The following NUP107 variants were observed in gnomAD, a reference collection of about 807,000 sequenced individuals.
NUP107 encodes the protein nucleoporin 107.
Under a neutral mutation model 141.0 loss-of-function variants are expected in NUP107, and 101 were observed. The observed-to-expected ratio is 0.72, with a 90% CI of 0.61 to 0.84. The LOEUF is 0.84. Ranked by LOEUF, NUP107 falls within the 40% of genes least tolerant of loss-of-function variation. The pLI is 0.00. For missense variants in NUP107, 941 were observed against 1,102.7 expected (o/e 0.85, Z 2.08); for synonymous variants, 319 against 363.9 (o/e 0.88, Z 1.41).
In NUP107 at chr12:68,728,285, C is replaced by CA. The variant is rs553304592; in HGVS notation, c.1734+914dup. Reference sequence around the variant, plus strand: ...GCTGGGTGACAGAGTGAGACCATCTCAAAAAAAAAAAAAAAAAACAATCAG... The same window carrying CA: ...GCTGGGTGACAGAGTGAGACCATCTCAAAAAAAAAAAAAAAAAAACAATCAG... On this transcript the variant is annotated intron_variant, in intron 20 of 27. Coordinates refer to ENST00000229179, the MANE Select transcript of NUP107 (RefSeq NM_020401.4). 2.6e-3 allele frequency among the ~76,000 whole-genome samples: 215 copies of CA among 84,210 alleles called. 1 individual carries two copies. Among genetic ancestry groups the CA allele is most frequent in the East Asian group, 0.01 (29 of 2,870 alleles). 55.2% of individuals were successfully genotyped at this position (84,210 alleles called of 152,430 possible). A position where few individuals can be genotyped will look rare whatever the true frequency, so the allele number is the denominator to read the frequency against.
chr12:68,704,304 G>A (rs1248826562), intron 8 of NUP107, among the ~76,000 whole-genome samples: 2 of 152,084 alleles, frequency 1.3e-5, no homozygotes, highest in African/African-American at 4.8e-5. Context: ...TTTAAATGCA[G>A]CAAGTAACAT....
Position 68,719,655 on chromosome 12 carries a change from G to T in NUP107, c.1251+1G>T, listed in dbSNP as rs1877270923. Reference sequence around the variant, plus strand: ...AAGTTGCTGGAGAATGGCAGAAGATGTAAGATAAATAAAATATTCAGTGAT... The same window carrying T: ...AAGTTGCTGGAGAATGGCAGAAGATTTAAGATAAATAAAATATTCAGTGAT... On this transcript the variant is annotated splice_donor_variant, in intron 14 of 27. Transcript: ENST00000229179. LOFTEE classifies it high-confidence loss of function. The T allele has an allele frequency of 6.3e-7, 1 of 1,594,974 alleles. No homozygotes were observed. Among genetic ancestry groups the T allele is most frequent in the African/African-American group, 1.3e-5 (1 of 74,534 alleles).
In NUP107 at chr12:68,722,091, G is replaced by A. The variant is rs535180618; in HGVS notation, c.1458-13G>A. 2 of 1,612,224 alleles carry A rather than the reference G, an allele frequency of 1.2e-6. No individual in the cohort carries two copies. Among genetic ancestry groups the A allele is most frequent in the Non-Finnish European group, 1.7e-6 (2 of 1,179,534 alleles). On this transcript the variant is annotated splice_polypyrimidine_tract_variant and intron_variant, in intron 16 of 27. Transcript: ENST00000229179. Reference sequence around the variant, plus strand: ...TTATTAACATTATTCTTTTCCCGTTGTTTCTTTTGAAGCTGGACGTTAGAA... The same window carrying A: ...TTATTAACATTATTCTTTTCCCGTTATTTCTTTTGAAGCTGGACGTTAGAA...
At chr12:68,706,553 C>A in intron 8 of NUP107, 1 of 678,536 alleles carries the variant, frequency 1.5e-6, no homozygotes, top group Admixed American at 2.2e-5. Context: ...CTGAGATCTC[C>A]AAGATGAACA....
Position 68,743,024 on chromosome 12 carries a change from A to G in NUP107, c.*562A>G, listed in dbSNP as rs1405724812. 6.6e-6 allele frequency: 1 copy of G among 152,308 alleles called. No homozygotes were observed. Among genetic ancestry groups the G allele is most frequent in the East Asian group, 1.9e-4 (1 of 5,208 alleles). 9.4% of individuals were successfully genotyped at this position (152,308 alleles called of 1,614,324 possible). On this transcript the variant is annotated 3_prime_UTR_variant, in exon 28 of 28. Transcript: ENST00000229179. ...GCGTAGTACCTGGCACACAGTAAGC[A>G]CTGAATATATTGGAGATTACAGATC...
chr12:68,719,926 A>G (rs1212242465), intron 14 of NUP107, among the ~76,000 whole-genome samples: 2 of 152,246 alleles, frequency 1.3e-5, no homozygotes, highest in Middle Eastern at 3.2e-3. Flanking sequence ...CCCTGAGGAA[A>G]GAATTGAATT....
intron 8 of NUP107, chr12:68,706,093 T>C (rs1248440593): frequency 7.8e-6 from 6 of 773,826 alleles, no homozygotes; most frequent in Non-Finnish European, 1.4e-5. Flanking sequence ...AGCTGTACAC[T>C]CTGGGCCAAG....
chr12:68,693,708 T>C (rs1868552410), intron 5 of NUP107, among the ~76,000 whole-genome samples: 1 of 152,202 alleles, frequency 6.6e-6, no homozygotes, highest in South Asian at 2.1e-4. Context: ...CACTAGAAGG[T>C]TGAGAACCTC....
At chr12:68,699,203 TGTACTA>T (rs1044959730) in intron 6 of NUP107, among the ~76,000 whole-genome samples, 2 of 152,120 alleles carry the variant, frequency 1.3e-5, no homozygotes, top group Non-Finnish European at 2.9e-5. Context: ...AAACCTCATC[TGTACTA>T]AAAATGCAAA....
rs978538367 is a variant in NUP107, at chr12:68,743,968, A to G, written c.*1506A>G. 2.0e-5 allele frequency: 3 copies of G among 152,258 alleles called. No homozygotes were observed. The highest frequency in any genetic ancestry group is 4.4e-5 in the Non-Finnish European group (3 of 68,052). The allele number at this position is 152,258 out of a possible 1,614,324, so 9.4% of individuals were successfully genotyped here. A position where few individuals can be genotyped will look rare whatever the true frequency, so the allele number is the denominator to read the frequency against. ...AAATAAAAACAAAAAATTCATACCAAAACAAATACAGACTAGATTTGGGGT... is the reference window on the plus strand; with the variant it reads ...AAATAAAAACAAAAAATTCATACCAGAACAAATACAGACTAGATTTGGGGT... On this transcript the variant is annotated 3_prime_UTR_variant, in exon 28 of 28. Transcript: ENST00000229179.
intron 14 of NUP107, among the ~76,000 whole-genome samples, chr12:68,720,142 A>G (rs1333581384): frequency 6.6e-6 from 1 of 152,072 alleles, no homozygotes; most frequent in Non-Finnish European, 1.5e-5. Context: ...TTGTGCAAAA[A>G]CCCCACAGGA....
chr12:68,744,149 G>A lies in NUP107; in HGVS notation c.*1687G>A, dbSNP rs1019708927. ...AACTACTTAGCCTAAATGAGGAGGA[G>A]GAATATTGTATGCTTCCATCGTAAC... On this transcript the variant is annotated 3_prime_UTR_variant, in exon 28 of 28. Coordinates refer to ENST00000229179, the MANE Select transcript of NUP107 (RefSeq NM_020401.4). 2.0e-5 allele frequency: 3 copies of A among 152,174 alleles called. No individual in the cohort carries two copies. The highest frequency in any genetic ancestry group is 4.8e-5 in the African/African-American group (2 of 41,438). The allele number at this position is 152,174 out of a possible 1,614,324, so 9.4% of individuals were successfully genotyped here.
Position 68,706,874 on chromosome 12 carries a change from G to A in NUP107, c.730-2364G>A, listed in dbSNP as rs112508379. 2,263 of 754,438 alleles carry A rather than the reference G, an allele frequency of 3.0e-3. 5 individuals carry two copies. The highest frequency in any genetic ancestry group is 4.3e-3 in the Non-Finnish European group (1,785 of 411,976). 46.7% of individuals were successfully genotyped at this position (754,438 alleles called of 1,614,324 possible). On this transcript the variant is annotated intron_variant, in intron 8 of 27. Transcript: ENST00000229179. ...GAGTATCCATACGAAGACCACCAGC[G>A]GCTATTCAGGTGGTCTGAGCTCGGC... is the stretch of plus-strand genomic sequence containing the variant.
chr12:68,691,033 T>C lies in NUP107; in HGVS notation c.303+287T>C, dbSNP rs186441476. Among the ~76,000 whole-genome samples the C allele has an allele frequency of 1.3e-3, 198 of 151,986 alleles. 1 individual carries two copies. Among genetic ancestry groups the C allele is most frequent in the Admixed American group, 2.4e-3 (36 of 15,266 alleles). ...AGGCAGAGGTTGCAGTGACCTGTGA[T>C]TGCAAAAGAAAAAAAAAAGAGAAAA... On this transcript the variant is annotated intron_variant, in intron 4 of 27. Transcript: ENST00000229179.
chr12:68,738,729 T>C (rs1166240067), intron 26 of NUP107, among the ~76,000 whole-genome samples: 1 of 152,154 alleles, frequency 6.6e-6, no homozygotes, highest in African/African-American at 2.4e-5. Flanking sequence ...AGGCAGGTCA[T>C]CTTTACCTAC....
Position 68,731,594 on chromosome 12 carries a change from A to G in NUP107, c.1886-13A>G. 6.7e-7 allele frequency: 1 copy of G among 1,497,900 alleles called. No individual in the cohort carries two copies. The highest frequency in any genetic ancestry group is 9.0e-7 in the Non-Finnish European group (1 of 1,114,714). 92.8% of individuals were successfully genotyped at this position (1,497,900 alleles called of 1,614,324 possible). On this transcript the variant is annotated splice_polypyrimidine_tract_variant and intron_variant, in intron 21 of 27. Coordinates refer to ENST00000229179, the MANE Select transcript of NUP107 (RefSeq NM_020401.4). The stretch of plus-strand genomic sequence containing the variant: ...TTAATCTTTGTTTTTTGTCGCTTCA[A>G]AAAATTATTTAGATTTGGATGTTGC...
chr12:68,704,611 AC>A (rs1195307946), intron 8 of NUP107, among the ~76,000 whole-genome samples: 3 of 151,352 alleles, frequency 2.0e-5, no homozygotes, highest in East Asian at 3.9e-4. Context: ...GCACCACCAC[AC>A]CCGGCTAATT....
intron 11 of NUP107, chr12:68,714,423 T>C (rs1268707622): frequency 1.3e-5 from 2 of 152,198 alleles, no homozygotes; most frequent in Non-Finnish European, 2.9e-5. Flanking sequence ...TAAATTACAT[T>C]GTAGCAGGCA....
intron 6 of NUP107, among the ~76,000 whole-genome samples, chr12:68,699,538 G>T (rs554942039): frequency 6.6e-6 from 1 of 152,168 alleles, no homozygotes; most frequent in East Asian, 1.9e-4. Context: ...TATTATAAAT[G>T]CAGTAGCTTC....
Sources: allele counts gnomAD v4.1 joint callset (sites outside exome capture counted in the v4.1 genomes callset), GRCh38; gene constraint gnomAD v4.1.1; transcripts MANE v1.5; gene names NCBI Gene and HGNC (gene_info 2026-07-23, HGNC 2026-07-21).